The following RFX7 variants were observed in gnomAD, a reference collection of about 807,000 sequenced individuals.
RFX7 encodes regulatory factor X7, also known as DNA-binding protein RFX7.
Under a neutral mutation model 111.8 loss-of-function variants are expected in RFX7, and 26 were observed. The observed-to-expected ratio is 0.23, with a 90% CI of 0.17 to 0.32. The LOEUF is 0.32. RFX7 is among the 10% of genes least tolerant of loss of function. The pLI is 1.00. For missense variants in RFX7, 1,573 were observed against 1,772.9 expected (o/e 0.89, Z 2.02); for synonymous variants, 624 against 624.4 (o/e 1.00, Z 0.01).
intron 5 of RFX7, among the ~76,000 whole-genome samples, chr15:56,123,327 C>G (rs926741521): frequency 2.6e-5 from 4 of 152,128 alleles, no homozygotes; most frequent in Non-Finnish European, 1.5e-5. Flanking sequence ...TAGTGGGTTC[C>G]CTTCTGGCCC....
chr15:56,244,131 A>C (rs1416078068), upstream of RFX7: 1 of 152,182 alleles, frequency 6.6e-6, no homozygotes, highest in African/African-American at 2.4e-5. Context: ...AGGAGAAACC[A>C]AATTTAATAA....
At chr15:56,215,179 C>T (rs1363552695) in intron 2 of RFX7, among the ~76,000 whole-genome samples, 2 of 152,150 alleles carry the variant, frequency 1.3e-5, no homozygotes, top group Non-Finnish European at 2.9e-5. Context: ...TAAATCATCT[C>T]CAGATTCCTT....
intron 5 of RFX7, among the ~76,000 whole-genome samples, chr15:56,136,226 T>C (rs1323989434): frequency 7.4e-5 from 11 of 148,956 alleles, no homozygotes; most frequent in Admixed American, 5.4e-4. Flanking sequence ...ATTTTCACGA[T>C]ATTGATTCTT....
chr15:56,179,714 G>C (rs967668711), intron 2 of RFX7, among the ~76,000 whole-genome samples: 2 of 149,528 alleles, frequency 1.3e-5, no homozygotes, highest in Non-Finnish European at 3.0e-5. Context: ...TCTGTAGCTT[G>C]TAAGATTTGA....
intron 5 of RFX7, among the ~76,000 whole-genome samples, chr15:56,124,556 C>T (rs1378818351): frequency 6.6e-6 from 1 of 152,192 alleles, no homozygotes; most frequent in Non-Finnish European, 1.5e-5. Context: ...GCTATCCTAA[C>T]AGGGTAACAT....
Position 56,087,569 on chromosome 15 carries a change from C to T in RFX7, c.*5776G>A. Reference sequence around the variant, plus strand: ...ATCTCTTTGAGTACTTGGTAAGTGTCTCCACTTAACTGCAAGGGAAGTTGG... The same window carrying T: ...ATCTCTTTGAGTACTTGGTAAGTGTTTCCACTTAACTGCAAGGGAAGTTGG... On this transcript the variant is annotated 3_prime_UTR_variant, in exon 10 of 10. Transcript: ENST00000559447. 2.2e-6 allele frequency: 1 copy of T among 456,614 alleles called. No homozygotes were observed. Among genetic ancestry groups the T allele is most frequent in the Non-Finnish European group, 4.4e-6 (1 of 226,906 alleles). 28.3% of individuals were successfully genotyped at this position (456,614 alleles called of 1,614,324 possible).
At chr15:56,109,605 G>A (rs1189273881) in intron 5 of RFX7, among the ~76,000 whole-genome samples, 5 of 149,086 alleles carry the variant, frequency 3.4e-5, no homozygotes, top group African/African-American at 4.9e-5. Context: ...AGTGAGGAGC[G>A]CCTCTTCCCT....
chr15:56,234,834 A>G (rs924418079), intron 2 of RFX7, among the ~76,000 whole-genome samples: 2 of 152,220 alleles, frequency 1.3e-5, no homozygotes, highest in African/African-American at 2.4e-5. Context: ...TCAACTTTAC[A>G]TATTAGAAAA....
chr15:56,143,162 A>C (rs773742638), intron 4 of RFX7, among the ~76,000 whole-genome samples: 3 of 152,082 alleles, frequency 2.0e-5, no homozygotes, highest in Admixed American at 1.3e-4. Flanking sequence ...TTGGTCAAAA[A>C]TCACCTTTAA....
At chr15:56,229,630 A>T (rs2043527541) in intron 2 of RFX7, among the ~76,000 whole-genome samples, 1 of 152,218 alleles carries the variant, frequency 6.6e-6, no homozygotes, top group African/African-American at 2.4e-5. Flanking sequence ...TCGTTAAAAC[A>T]AACACTGCTA....
rs567632607 is a variant in RFX7 at position 56,139,096 on chromosome 15, G to A, written c.401+3682C>T. Among the ~76,000 whole-genome samples, 58 of 151,990 alleles carry A rather than the reference G, an allele frequency of 3.8e-4. No homozygotes were observed. The Middle Eastern group carries it at 0.014, about 36-fold the overall frequency. On this transcript the variant is annotated intron_variant, in intron 5 of 9. Transcript: ENST00000559447. ...GGTGAATCTGACAATTATGTGTCTT[G>A]GAGTTGCTCTTCTCGAGGAGTATCT... is the stretch of plus-strand genomic sequence containing the variant.
At chr15:56,178,963 A>G (rs1246490591) in intron 3 of RFX7, 2 of 157,214 alleles carry the variant, frequency 1.3e-5, no homozygotes, top group Admixed American at 6.5e-5. Flanking sequence ...ACAAATTCTC[A>G]GAGTTATTAG....
At chr15:56,229,335 G>A (rs933505341) in intron 2 of RFX7, among the ~76,000 whole-genome samples, 8 of 151,968 alleles carry the variant, frequency 5.3e-5, no homozygotes, top group South Asian at 4.1e-4. Context: ...GCAGGATCTC[G>A]GCTCACTGCG....
chr15:56,186,422 T>C (rs554123838), intron 2 of RFX7, among the ~76,000 whole-genome samples: 2 of 152,306 alleles, frequency 1.3e-5, no homozygotes, highest in South Asian at 4.1e-4. Flanking sequence ...CTCCCCTGAT[T>C]CCTTGTTACT....
intron 5 of RFX7, among the ~76,000 whole-genome samples, chr15:56,127,444 A>G (rs1214606999): frequency 6.6e-6 from 1 of 151,136 alleles, no homozygotes; most frequent in Non-Finnish European, 1.5e-5. Context: ...TCACTCCTAA[A>G]CAAGCAGAAG....
chr15:56,211,672 A>G (rs2043314143), intron 2 of RFX7, among the ~76,000 whole-genome samples: 1 of 152,146 alleles, frequency 6.6e-6, no homozygotes, highest in South Asian at 2.1e-4. Flanking sequence ...ACTTACCCAA[A>G]ATACAGAAAG....
At chr15:56,177,127 G>A (rs1174583782) in intron 3 of RFX7, among the ~76,000 whole-genome samples, 4 of 151,908 alleles carry the variant, frequency 2.6e-5, no homozygotes, top group African/African-American at 7.3e-5. Flanking sequence ...TTCAAATACC[G>A]CAAACTCATT....
At chr15:56,118,396 TC>T (rs1166671301) in intron 5 of RFX7, among the ~76,000 whole-genome samples, 1 of 152,162 alleles carries the variant, frequency 6.6e-6, no homozygotes, top group Non-Finnish European at 1.5e-5. Flanking sequence ...CTCCATGAGT[TC>T]AATTATTTTA....
At chr15:56,171,694 C>A (rs1244236224) in intron 3 of RFX7, among the ~76,000 whole-genome samples, 1 of 152,114 alleles carries the variant, frequency 6.6e-6, no homozygotes, top group Non-Finnish European at 1.5e-5. Context: ...TTTTATGCAG[C>A]CTCTAAATGT....
Sources: gnomAD v4.1 joint callset for allele counts (sites outside exome capture counted in the v4.1 genomes callset) on GRCh38, gnomAD v4.1.1 for gene constraint, MANE v1.5 for transcripts, NCBI Gene and HGNC (gene_info 2026-07-23, HGNC 2026-07-21) for gene names.